The following RBL1 variants were observed in gnomAD, a reference collection of about 807,000 sequenced individuals.
RBL1 encodes RB transcriptional corepressor like 1.
Under a neutral mutation model 123.0 loss-of-function variants are expected in RBL1, and 82 were observed. The observed-to-expected ratio is 0.67, with a 90% CI of 0.56 to 0.80. The LOEUF (loss-of-function observed/expected upper bound fraction) is 0.80, where lower values mean the gene tolerates loss of function less well. RBL1 is among the 30% of genes least tolerant of loss of function. The pLI is 0.00. For synonymous variants in RBL1, 405 were observed against 441.3 expected, an observed-to-expected ratio of 0.92 and a Z score of 1.03; for missense variants, 1,171 against 1,299.6, an observed-to-expected ratio of 0.90 and a Z score of 1.52.
rs1198034761 is a variant in RBL1, at chr20:37,044,125, A to T, written c.1731T>A (p.Ala577=). The part of the protein sequence containing the change: ...AWSHDSALWE[A]LQVSANKVPT... ...GAACTTTGTTTGCAGAAACCTGGAG[A>T]GCCTCCCACAGTGCAGAATCGTGAC... The change falls in exon 13 of 22, where the codon GCT becomes GCA. Residue 577 remains alanine (A), a synonymous_variant. Transcript: ENST00000373664. 1 of 1,609,570 alleles carries T rather than the reference A, an allele frequency of 6.2e-7. No homozygotes were observed. The highest frequency in any genetic ancestry group is 2.2e-5 in the East Asian group (1 of 44,622).
At chr20:37,071,418 G>A (rs140956351) in intron 2 of RBL1, among the ~76,000 whole-genome samples, 2,804 of 152,268 alleles carry the variant, frequency 0.018, 46 homozygotes, top group Non-Finnish European at 0.027. Flanking sequence ...CACTTTGGGA[G>A]GGTGAGGCTG....
chr20:37,023,215 G>T (rs960047610), intron 16 of RBL1, among the ~76,000 whole-genome samples: 15 of 151,736 alleles, frequency 9.9e-5, no homozygotes, highest in African/African-American at 3.6e-4. Flanking sequence ...TCTGCCTTCT[G>T]CATTCAAGCA....
At chr20:37,012,397 G>A (rs1454772082) in intron 19 of RBL1, among the ~76,000 whole-genome samples, 3 of 150,960 alleles carry the variant, frequency 2.0e-5, no homozygotes, top group Non-Finnish European at 3.0e-5. Context: ...CTGCCCGGCC[G>A]CCATCCCATC....
At chr20:37,010,980 T>C (rs1192352519) in intron 19 of RBL1, among the ~76,000 whole-genome samples, 1 of 151,862 alleles carries the variant, frequency 6.6e-6, no homozygotes, top group East Asian at 1.9e-4. Flanking sequence ...CATGCCCAGC[T>C]AATTTTTTAT....
At chr20:37,031,383 A>G (rs1169894946) in intron 16 of RBL1, among the ~76,000 whole-genome samples, 2 of 152,188 alleles carry the variant, frequency 1.3e-5, no homozygotes, top group African/African-American at 4.8e-5. Flanking sequence ...AAAATGGGCA[A>G]AAGACTCGAA....
Position 37,061,186 on chromosome 20 carries a change from T to C in RBL1, c.1167A>G (p.Ser389=). The C allele has an allele frequency of 6.2e-7, 1 of 1,614,104 alleles. No homozygotes were observed. The change falls in exon 9 of 22, where the codon TCA becomes TCG. Residue 389 remains serine (S), a synonymous_variant. Coordinates refer to ENST00000373664, the MANE Select transcript of RBL1 (RefSeq NM_002895.5). The part of the protein sequence containing the change: ...EKEAVITPVA[S]ATQSVSRLQS... ...GTAACCGGCTCACACTTTGGGTGGCTGATGCAACAGGAGTAATGACTGCTT... is the reference window on the plus strand; with the variant it reads ...GTAACCGGCTCACACTTTGGGTGGCCGATGCAACAGGAGTAATGACTGCTT...
intron 15 of RBL1, 95 bp from the exon 16 acceptor site, chr20:37,032,971 G>A: frequency 6.9e-7 from 1 of 1,458,568 alleles, no homozygotes; most frequent in Non-Finnish European, 9.1e-7. Flanking sequence ...ATATATCTGT[G>A]TGTATAAGAA....
At position 36,998,160 on chromosome 20, in the gene RBL1, T is replaced by C. The variant is rs916802419; in HGVS notation, c.*599A>G. The C allele has an allele frequency of 2.6e-5, 4 of 152,044 alleles. No homozygotes were observed. The highest frequency in any genetic ancestry group is 5.9e-5 in the Non-Finnish European group (4 of 68,010). 9.4% of individuals were successfully genotyped at this position (152,044 alleles called of 1,614,324 possible). On this transcript the variant is annotated 3_prime_UTR_variant, in exon 22 of 22. Coordinates refer to ENST00000373664, the MANE Select transcript of RBL1 (RefSeq NM_002895.5). ...TTTTTAAAAGAGAGCTAAAAAGTTA[T>C]GGGGTTTCTCCTTATTTCATCTTGA...
intron 9 of RBL1, among the ~76,000 whole-genome samples, chr20:37,060,777 T>C (rs2146293473): frequency 6.6e-6 from 1 of 151,100 alleles, no homozygotes; most frequent in South Asian, 2.1e-4. Context: ...AGCGAGACCC[T>C]GTCTCAAAAA....
At chr20:37,005,733 A>C (rs981853168) in intron 20 of RBL1, among the ~76,000 whole-genome samples, 20 of 152,312 alleles carry the variant, frequency 1.3e-4, no homozygotes, top group African/African-American at 4.8e-4. Flanking sequence ...GTGAAACTGA[A>C]GCAGGATGAA....
intron 20 of RBL1, among the ~76,000 whole-genome samples, chr20:37,007,068 G>A (rs2064086493): frequency 1.3e-5 from 2 of 151,984 alleles, no homozygotes; most frequent in African/African-American, 2.4e-5. Context: ...CCAACATGGT[G>A]AAACCCCGTA....
intron 11 of RBL1, among the ~76,000 whole-genome samples, chr20:37,055,154 A>T (rs1248184147): frequency 6.6e-6 from 1 of 152,108 alleles, no homozygotes; most frequent in African/African-American, 2.4e-5. Context: ...CTTATTGGAG[A>T]CAGTGGTCTG....
In RBL1 at chr20:36,998,216, C is replaced by T. The variant is rs1052213487; in HGVS notation, c.*543G>A. On this transcript the variant is annotated 3_prime_UTR_variant, in exon 22 of 22. Coordinates refer to ENST00000373664, the MANE Select transcript of RBL1 (RefSeq NM_002895.5). ...CAAGGAGCAAACATTAAAAAAAATT[C>T]CCTATTTATATATATATATATATTT... 4.0e-5 allele frequency: 6 copies of T among 151,174 alleles called. No individual in the cohort carries two copies. The highest frequency in any genetic ancestry group is 1.2e-4 in the African/African-American group (5 of 40,848). The allele number at this position is 151,174 out of a possible 1,614,324, so 9.4% of individuals were successfully genotyped here. A position where few individuals can be genotyped will look rare whatever the true frequency, so the allele number is the denominator to read the frequency against.
chr20:37,019,644 C>A (rs531297731), intron 18 of RBL1, among the ~76,000 whole-genome samples: 1 of 152,140 alleles, frequency 6.6e-6, no homozygotes, highest in Admixed American at 6.6e-5. Context: ...ACTACTAATA[C>A]TGAGGCCACA....
chr20:37,021,282 G>A (rs1349851014), intron 17 of RBL1, among the ~76,000 whole-genome samples: 2 of 152,130 alleles, frequency 1.3e-5, no homozygotes, highest in Admixed American at 1.3e-4. Context: ...TGGGATCTCT[G>A]TGATCATAAA....
intron 18 of RBL1, 88 bp downstream of exon 18, chr20:37,020,571 A>T: frequency 1.1e-6 from 1 of 904,498 alleles, no homozygotes. Flanking sequence ...GTATATTAAA[A>T]CTATAAAATA....
chr20:37,090,396 T>A (rs1316655501), intron 1 of RBL1, among the ~76,000 whole-genome samples: 1 of 152,260 alleles, frequency 6.6e-6, no homozygotes, highest in Admixed American at 6.5e-5. Flanking sequence ...TTTGTCAGCA[T>A]GACTTTCTTG....
intron 12 of RBL1, among the ~76,000 whole-genome samples, chr20:37,046,587 A>AC (rs2064821529): frequency 6.7e-6 from 1 of 148,456 alleles, no homozygotes. Flanking sequence ...TCTTGGTTTC[A>AC]CCCAAGAGGA....
intron 19 of RBL1, among the ~76,000 whole-genome samples, chr20:37,012,112 G>A (rs902934292): frequency 1.3e-5 from 2 of 152,236 alleles, no homozygotes; most frequent in African/African-American, 2.4e-5. Flanking sequence ...TGATCCGCCA[G>A]CCTCGGCCTG....
Sources: allele counts gnomAD v4.1 joint callset (sites outside exome capture counted in the v4.1 genomes callset), GRCh38; gene constraint gnomAD v4.1.1; transcripts MANE v1.5; gene names NCBI Gene and HGNC (gene_info 2026-07-23, HGNC 2026-07-21).